FLYWCH1: variants seen among roughly 807,000 people sequenced by gnomAD.
The protein encoded by FLYWCH1 is FLYWCH-type zinc finger-containing protein 1.
A neutral mutation model predicts 66.4 loss-of-function variants in FLYWCH1; 75 were observed. The observed-to-expected ratio is 1.13, with a 90% CI of 0.94 to 1.37. The LOEUF (loss-of-function observed/expected upper bound fraction) is 1.37, where lower values mean the gene tolerates loss of function less well. FLYWCH1 is among the 40% of genes most tolerant of loss of function. FLYWCH1 has a pLI of 0.00. For missense variants in FLYWCH1, 1,334 were observed against 1,001.8 expected (o/e 1.33, Z -4.48); for synonymous variants, 595 against 429.9 (o/e 1.38, Z -4.75).
chr16:2,934,023 G>C, intron 6 of FLYWCH1, 44 bp downstream of exon 6: 1 of 1,480,030 alleles, frequency 6.8e-7, no homozygotes. Flanking sequence ...GAAGCAGGCA[G>C]GAGCCCCACA....
At chr16:2,944,096 A>G (rs576271480) in intron 9 of FLYWCH1, among the ~76,000 whole-genome samples, 1 of 152,176 alleles carries the variant, frequency 6.6e-6, no homozygotes, top group East Asian at 1.9e-4. Context: ...AACCTGTCTC[A>G]GAAATAAAAG....
chr16:2,925,075 G>A (rs1290284050), intron 2 of FLYWCH1, among the ~76,000 whole-genome samples: 1 of 152,232 alleles, frequency 6.6e-6, no homozygotes, highest in Non-Finnish European at 1.5e-5. Context: ...GCGCAGCTGT[G>A]TCCTGCAGGA....
At position 2,934,784 on chromosome 16, in the gene FLYWCH1, C is replaced by A. The variant is rs560142222; in HGVS notation, c.1513+805C>A. On this transcript the variant is annotated intron_variant, in intron 6 of 9. Coordinates refer to ENST00000253928, the MANE Select transcript of FLYWCH1 (RefSeq NM_001308068.2). Reference sequence around the variant, plus strand: ...GAGGTCCCCGCCTCGTCCTCACCCCCGCTCCTGACCCCACAAGTAACTAAG... The same window carrying A: ...GAGGTCCCCGCCTCGTCCTCACCCCAGCTCCTGACCCCACAAGTAACTAAG... 51 of 382,606 alleles carry A rather than the reference C, an allele frequency of 1.3e-4. No individual in the cohort carries two copies. The Admixed American group carries it at 1.6e-3, about 12-fold the overall frequency. The allele number at this position is 382,606 out of a possible 1,614,324, so 23.7% of individuals were successfully genotyped here.
chr16:2,944,686 G>C (rs1035202428), intron 9 of FLYWCH1, among the ~76,000 whole-genome samples: 3 of 151,888 alleles, frequency 2.0e-5, no homozygotes, highest in African/African-American at 4.8e-5. Context: ...AGCTAGGCAT[G>C]GTGGCGCCAG....
intron 9 of FLYWCH1, among the ~76,000 whole-genome samples, chr16:2,945,383 G>T (rs1049014249): frequency 1.3e-5 from 2 of 151,762 alleles, no homozygotes; most frequent in Non-Finnish European, 2.9e-5. Context: ...CTACTCGGGA[G>T]GCTGGGGTAG....
chr16:2,929,322 C>G (rs2070677996), intron 2 of FLYWCH1, among the ~76,000 whole-genome samples: 1 of 152,194 alleles, frequency 6.6e-6, no homozygotes, highest in Non-Finnish European at 1.5e-5. Context: ...TTCGTCCGTG[C>G]TCAGCATGTG....
intron 9 of FLYWCH1, among the ~76,000 whole-genome samples, chr16:2,943,906 C>T (rs1253323171): frequency 6.6e-6 from 1 of 151,984 alleles, no homozygotes; most frequent in South Asian, 2.1e-4. Flanking sequence ...CATTGCACTC[C>T]AGCCTGGGCA....
rs768400408 is a variant in FLYWCH1, at chr16:2,933,824, G to A, written c.1358G>A (p.Arg453Gln). Residue 453 changes from arginine (R) to glutamine (Q), a missense_variant, in exon 6 of 10, where the codon CGG becomes CAG. Transcript: ENST00000253928. The stretch of plus-strand genomic sequence containing the variant: ...GGGGAGAAGGTGTATTGGACCTGCC[G>A]GGACCAGGCCCGCATGGGCTGCCGC... ...AAGEKVYWTC[R>Q]DQARMGCRSR... 19 of 1,608,886 alleles carry A rather than the reference G, an allele frequency of 1.2e-5. No individual in the cohort carries two copies. The highest frequency in any genetic ancestry group is 2.2e-5 in the East Asian group (1 of 44,644).
At position 2,934,487 on chromosome 16, in the gene FLYWCH1, C is replaced by T. The variant is rs545312135; in HGVS notation, c.1513+508C>T. 198 of 365,346 alleles carry T rather than the reference C, an allele frequency of 5.4e-4. 1 individual carries two copies. The highest frequency in any genetic ancestry group is 3.3e-3 in the South Asian group (163 of 48,884). 22.6% of individuals were successfully genotyped at this position (365,346 alleles called of 1,614,324 possible). ...CTGTCTCCATCTTTATCCACACGGT[C>T]GGCCCCCCGCAGTGCCTGGTGTTTT... On this transcript the variant is annotated intron_variant, in intron 6 of 9. Transcript: ENST00000253928.
At chr16:2,944,201 A>G (rs1468332479) in intron 9 of FLYWCH1, among the ~76,000 whole-genome samples, 1 of 151,864 alleles carries the variant, frequency 6.6e-6, no homozygotes, top group Non-Finnish European at 1.5e-5. Context: ...AGCCTGGGGA[A>G]CATGGAGAAA....
intron 2 of FLYWCH1, among the ~76,000 whole-genome samples, chr16:2,915,653 A>G (rs1203538102): frequency 6.6e-6 from 1 of 152,102 alleles, no homozygotes; most frequent in Admixed American, 6.6e-5. Flanking sequence ...CACGCCTGTA[A>G]TCCCAGCACT....
At chr16:2,918,072 C>T (rs572409101) in intron 2 of FLYWCH1, among the ~76,000 whole-genome samples, 2 of 151,498 alleles carry the variant, frequency 1.3e-5, no homozygotes, top group South Asian at 2.1e-4. Flanking sequence ...CTCCTGACCT[C>T]AAGTGATCCA....
chr16:2,931,949 TAA>T (rs973408505), intron 4 of FLYWCH1, among the ~76,000 whole-genome samples: 2 of 151,728 alleles, frequency 1.3e-5, no homozygotes, highest in Non-Finnish European at 2.9e-5. Flanking sequence ...CTGTCTCTAC[TAA>T]AAAAATACAA....
rs139997220 is a variant in FLYWCH1 at position 2,931,863 on chromosome 16, C to G, written c.796+983C>G. Among the ~76,000 whole-genome samples the G allele has an allele frequency of 2.0e-3, 311 of 152,148 alleles. 1 individual carries two copies. The highest frequency in any genetic ancestry group is 7.2e-3 in the African/African-American group (300 of 41,490). On this transcript the variant is annotated intron_variant, in intron 4 of 9. Transcript: ENST00000253928. ...GCGCTTTGGCTCACGCCTGTAATCC[C>G]AGCACTTTGGGAGGTCGAGGTGGGC...
In FLYWCH1 at chr16:2,920,033, C is replaced by T. The variant is rs532951350; in HGVS notation, c.-74+5744C>T. Among the ~76,000 whole-genome samples the T allele has an allele frequency of 1.6e-4, 24 of 152,150 alleles. 1 individual carries two copies. The East Asian group carries it at 4.0e-3, about 26-fold the overall frequency. On this transcript the variant is annotated intron_variant, in intron 2 of 9. Transcript: ENST00000253928. The stretch of plus-strand genomic sequence containing the variant: ...AGTGTGTGCTACAGAAAAGCAAGCG[C>T]CTTAAAGGCATTAGTTCAACAATGG...
rs990355331 is a variant in FLYWCH1 at position 2,950,509 on chromosome 16, G to T, written c.*1782G>T. 6.6e-6 allele frequency: 1 copy of T among 152,450 alleles called. No homozygotes were observed. The highest frequency in any genetic ancestry group is 1.5e-5 in the Non-Finnish European group (1 of 68,244). 9.4% of individuals were successfully genotyped at this position (152,450 alleles called of 1,614,324 possible). ...GCCCAAGATACGAGAGAAACGCCCG[G>T]GTCACAGCAGCCTGAGTCACTGCAG... On this transcript the variant is annotated 3_prime_UTR_variant, in exon 10 of 10. Transcript: ENST00000253928.
In FLYWCH1 at chr16:2,933,722, C is replaced by G; in HGVS notation, c.1256C>G (p.Pro419Arg). The change falls in exon 6 of 10, where the codon CCT (proline) becomes CGT (arginine). Residue 419 changes from proline to arginine, a missense_variant. By Grantham distance (103) the Pro-to-Arg change is moderately radical. Coordinates refer to ENST00000253928, the MANE Select transcript of FLYWCH1 (RefSeq NM_001308068.2). The stretch of plus-strand genomic sequence containing the variant: ...GCCTCTTGAACCTCCCCAGGAGGCC[C>G]TGAGTTCCTGAAGACGCCCCTGGGG... ...HQDMDADPGG[P>R]EFLKTPLGGS... The G allele has an allele frequency of 6.2e-7, 1 of 1,611,968 alleles. No homozygotes were observed. The highest frequency in any genetic ancestry group is 8.5e-7 in the Non-Finnish European group (1 of 1,179,026).
chr16:2,935,111 CAG>C (rs1310329014), intron 6 of FLYWCH1: 2 of 153,096 alleles, frequency 1.3e-5, no homozygotes, highest in Admixed American at 6.5e-5. Context: ...TTAGCAGAGA[CAG>C]AGTTTTACCA....
Position 2,933,358 on chromosome 16 carries a change from G to A in FLYWCH1, c.1025G>A (p.Arg342Gln), listed in dbSNP as rs541242085. The A allele has an allele frequency of 3.7e-5, 60 of 1,604,168 alleles. No individual in the cohort carries two copies. Among genetic ancestry groups the A allele is most frequent in the East Asian group, 2.0e-4 (9 of 44,360 alleles). The change falls in exon 5 of 10, where the codon CGG becomes CAG. Residue 342 changes from arginine to glutamine, a missense_variant. Coordinates refer to ENST00000253928, the MANE Select transcript of FLYWCH1 (RefSeq NM_001308068.2). Reference sequence around the variant, plus strand: ...GATATGGAGGGCCTGGAAGCCCGGCGGCAGCAGGAGAAGGCCGTGGAGACG... The same window carrying A: ...GATATGGAGGGCCTGGAAGCCCGGCAGCAGCAGGAGAAGGCCGTGGAGACG... ...QPDMEGLEAR[R>Q]QQEKAVETLQ...
Sources: allele counts gnomAD v4.1 joint callset (sites outside exome capture counted in the v4.1 genomes callset), GRCh38; gene constraint gnomAD v4.1.1; transcripts MANE v1.5; gene names NCBI Gene and HGNC (gene_info 2026-07-23, HGNC 2026-07-21).